Variants in DPP10 observed in about 807,000 individuals in gnomAD.
DPP10 encodes the protein inactive dipeptidyl peptidase 10.
DPP10 carries 33 observed loss-of-function variants against 120.9 expected under a neutral mutation model. The observed-to-expected ratio is 0.27, with a 90% CI of 0.21 to 0.37. The LOEUF (loss-of-function observed/expected upper bound fraction) is 0.37, where lower values mean the gene tolerates loss of function less well. Among genes scored for constraint, DPP10 ranks in the 10% least tolerant of loss-of-function variants. The probability of loss-of-function intolerance (pLI) is 1.00; values close to 1 mark genes in which losing one functional copy is unlikely to be tolerated. For synonymous variants in DPP10, 337 were observed against 326.1 expected, an observed-to-expected ratio of 1.03 and a Z score of -0.36; for missense variants, 816 against 942.8, an observed-to-expected ratio of 0.87 and a Z score of 1.76.
chr2:115,609,956 A>C (rs2083978152), intron 5 of DPP10, among the ~76,000 whole-genome samples: 1 of 152,232 alleles, frequency 6.6e-6, no homozygotes, highest in African/African-American at 2.4e-5. Context: ...AAATCAAGAA[A>C]TGATGTACAA....
chr2:115,667,368 A>G (rs945586778), intron 5 of DPP10, among the ~76,000 whole-genome samples: 2 of 151,530 alleles, frequency 1.3e-5, no homozygotes, highest in African/African-American at 4.8e-5. Context: ...TCACTTGTCA[A>G]TTTTCATTTT....
At chr2:115,805,342 G>T (rs1193618042) in intron 19 of DPP10, among the ~76,000 whole-genome samples, 2 of 152,110 alleles carry the variant, frequency 1.3e-5, no homozygotes, top group Non-Finnish European at 2.9e-5. Flanking sequence ...CCCTTTCTTT[G>T]ACTAGGAAAG....
intron 1 of DPP10, among the ~76,000 whole-genome samples, chr2:114,521,821 T>G (rs1223409507): frequency 6.7e-6 from 1 of 149,182 alleles, no homozygotes; most frequent in Non-Finnish European, 1.5e-5. Flanking sequence ...TTTTTTTTTT[T>G]TTTTGAGATG....
chr2:114,923,636 G>A (rs1695378444), intron 1 of DPP10, among the ~76,000 whole-genome samples: 2 of 151,362 alleles, frequency 1.3e-5, no homozygotes, highest in South Asian at 2.1e-4. Context: ...CCGCCACCAC[G>A]CCTGGCTAAT....
At chr2:115,390,258 C>A (rs1272923967) in intron 3 of DPP10, among the ~76,000 whole-genome samples, 1 of 152,216 alleles carries the variant, frequency 6.6e-6, no homozygotes, top group Non-Finnish European at 1.5e-5. Flanking sequence ...TACACACAAA[C>A]ACCATGCTGA....
chr2:115,325,028 A>G (rs942648329), intron 2 of DPP10, among the ~76,000 whole-genome samples: 3 of 152,132 alleles, frequency 2.0e-5, no homozygotes, highest in South Asian at 4.2e-4. Flanking sequence ...GACAACTACA[A>G]TAGTGGCATC....
chr2:115,562,476 C>G (rs1322029172), intron 5 of DPP10, among the ~76,000 whole-genome samples: 4 of 152,178 alleles, frequency 2.6e-5, no homozygotes, highest in Non-Finnish European at 4.4e-5. Context: ...AAAAGTTCCA[C>G]ACTCATTTTT....
intron 17 of DPP10, among the ~76,000 whole-genome samples, chr2:115,785,832 G>A (rs1683275376): frequency 8.1e-6 from 1 of 123,392 alleles, no homozygotes. Flanking sequence ...GTTCAGCTCT[G>A]ATGTGGGTTT....
intron 1 of DPP10, among the ~76,000 whole-genome samples, chr2:115,261,726 C>G (rs1183818524): frequency 1.3e-5 from 2 of 152,142 alleles, no homozygotes; most frequent in African/African-American, 4.8e-5. Flanking sequence ...TCTCATCACT[C>G]TTTTGTATCC....
At chr2:114,650,837 C>T (rs1450721701) in intron 1 of DPP10, among the ~76,000 whole-genome samples, 1 of 152,156 alleles carries the variant, frequency 6.6e-6, no homozygotes, top group Non-Finnish European at 1.5e-5. Flanking sequence ...TTAAGGATTC[C>T]ATTGAAGATA....
chr2:115,657,843 T>C (rs2149397765), intron 5 of DPP10, among the ~76,000 whole-genome samples: 2 of 152,078 alleles, frequency 1.3e-5, no homozygotes, highest in Middle Eastern at 6.8e-3. Context: ...TTGAAGCCTT[T>C]AAACAGAAGA....
At chr2:115,599,913 A>G (rs1358622798) in intron 5 of DPP10, among the ~76,000 whole-genome samples, 3 of 151,850 alleles carry the variant, frequency 2.0e-5, no homozygotes, top group Admixed American at 1.3e-4. Context: ...TCCTCCATTC[A>G]CCTTATGAAT....
intron 5 of DPP10, among the ~76,000 whole-genome samples, chr2:115,630,936 G>A (rs1575390406): frequency 6.6e-6 from 1 of 151,702 alleles, no homozygotes; most frequent in South Asian, 2.1e-4. Flanking sequence ...TTAAAGAGAA[G>A]TCCCTCTTTT....
At chr2:115,805,575 A>T (rs866176065) in intron 19 of DPP10, among the ~76,000 whole-genome samples, 2,550 of 134,248 alleles carry the variant, frequency 0.019, 79 homozygotes, top group African/African-American at 0.064. Context: ...CTTGGCTCCC[A>T]TTTTTTTTTT....
intron 1 of DPP10, among the ~76,000 whole-genome samples, chr2:114,993,801 A>G (rs1419367547): frequency 5.3e-5 from 8 of 152,042 alleles, no homozygotes; most frequent in Admixed American, 5.2e-4. Context: ...AGATGTGTGC[A>G]CACGAGTCTA....
chr2:114,631,268 A>C (rs1231826116), intron 1 of DPP10, among the ~76,000 whole-genome samples: 1 of 152,004 alleles, frequency 6.6e-6, no homozygotes, highest in Non-Finnish European at 1.5e-5. Context: ...AAGATGCTGG[A>C]GTTTCCGACA....
At chr2:115,458,443 TAAAAG>T (rs1418983320) in intron 3 of DPP10, among the ~76,000 whole-genome samples, 6 of 151,992 alleles carry the variant, frequency 3.9e-5, no homozygotes, top group African/African-American at 1.2e-4. Flanking sequence ...TATTTAGACT[TAAAAG>T]AAAAAGACAT....
At chr2:114,819,525 T>C (rs1685915915) in intron 1 of DPP10, among the ~76,000 whole-genome samples, 1 of 152,202 alleles carries the variant, frequency 6.6e-6, no homozygotes, top group African/African-American at 2.4e-5. Context: ...TACAAAGAAA[T>C]ATTTGACATT....
intron 1 of DPP10, 79 bp downstream of exon 1, chr2:114,442,917 G>C: frequency 3.2e-6 from 5 of 1,551,500 alleles, no homozygotes; most frequent in Non-Finnish European, 4.4e-6. Flanking sequence ...GATATATCGG[G>C]GTACTGACAG....
Sources: allele counts gnomAD v4.1 joint callset (sites outside exome capture counted in the v4.1 genomes callset), GRCh38; gene constraint gnomAD v4.1.1; transcripts MANE v1.5; gene names NCBI Gene and HGNC (gene_info 2026-07-23, HGNC 2026-07-21).